USHBP1: variants seen among roughly 807,000 people sequenced by gnomAD.
USHBP1 encodes the protein harmonin-binding protein USHBP1.
Under a neutral mutation model 76.2 loss-of-function variants are expected in USHBP1, and 67 were observed. The observed-to-expected ratio is 0.88, with a 90% confidence interval of 0.72 to 1.08. USHBP1 has a LOEUF of 1.08. Ranked by LOEUF, USHBP1 falls within the 50% of genes least tolerant of loss-of-function variation. The probability of loss-of-function intolerance (pLI) is 0.00; values close to 1 mark genes in which losing one functional copy is unlikely to be tolerated. For synonymous variants in USHBP1, 322 were observed against 362.2 expected (o/e 0.89, Z 1.26); for missense variants, 931 against 915.0 (o/e 1.02, Z -0.23).
intron 3 of USHBP1, 122 bp downstream of exon 3, chr19:17,263,880 T>C: frequency 2.3e-6 from 3 of 1,319,880 alleles, no homozygotes; most frequent in Middle Eastern, 1.9e-4. Context: ...AAAAAGAAAG[T>C]CAGGCTGAAG....
At chr19:17,257,187 A>ATT (rs1172967071) in intron 8 of USHBP1, among the ~76,000 whole-genome samples, 59 of 131,456 alleles carry the variant, frequency 4.5e-4, no homozygotes, top group East Asian at 1.1e-3. Flanking sequence ...CGCCCGGCTA[A>ATT]TTTTTTTTTT....
In USHBP1 at chr19:17,249,222, C is replaced by G. The variant is rs999429504; in HGVS notation, c.*1003G>C. 6.6e-6 allele frequency: 1 copy of G among 152,102 alleles called. No homozygotes were observed. The highest frequency in any genetic ancestry group is 2.4e-5 in the African/African-American group (1 of 41,402). The allele number at this position is 152,102 out of a possible 1,614,324, so 9.4% of individuals were successfully genotyped here. A position where few individuals can be genotyped will look rare whatever the true frequency, so the allele number is the denominator to read the frequency against. ...ATTTATTTAGAGACAGAGTTTTGCT[C>G]TTATTGCCCGGGCACGATCTTGTTG... On this transcript the variant is annotated 3_prime_UTR_variant, in exon 13 of 13. Coordinates refer to ENST00000252597, the MANE Select transcript of USHBP1 (RefSeq NM_031941.4).
At position 17,249,495 on chromosome 19, in the gene USHBP1, G is replaced by GTT. The variant is rs796783318; in HGVS notation, c.*728_*729dup. On this transcript the variant is annotated 3_prime_UTR_variant, in exon 13 of 13. Coordinates refer to ENST00000252597, the MANE Select transcript of USHBP1 (RefSeq NM_031941.4). ...AGGCATGAGTCACCACGCCTGGCCT[G>GTT]TTTTTTTTTTTGAGACAAGGTCTTA... is the stretch of plus-strand genomic sequence containing the variant. The GTT allele has an allele frequency of 6.5e-5, 9 of 139,076 alleles. No homozygotes were observed. Among genetic ancestry groups the GTT allele is most frequent in the African/African-American group, 1.2e-4 (4 of 34,044 alleles). The allele number at this position is 139,076 out of a possible 1,614,324, so 8.6% of individuals were successfully genotyped here.
intron 9 of USHBP1, among the ~76,000 whole-genome samples, chr19:17,255,993 A>G (rs1028508261): frequency 1.6e-4 from 19 of 118,864 alleles, no homozygotes; most frequent in African/African-American, 5.9e-4. Context: ...TGAGAGCAAG[A>G]CTCCGTCTCA....
chr19:17,261,637 A>AT (rs1472192862), intron 4 of USHBP1, among the ~76,000 whole-genome samples: 107 of 96,270 alleles, frequency 1.1e-3, no homozygotes, highest in African/African-American at 4.7e-3. Context: ...CAGCATTATT[A>AT]TTATTTTTTT....
chr19:17,263,904 A>C, intron 3 of USHBP1, 98 bp downstream of exon 3: 1 of 1,394,596 alleles, frequency 7.2e-7, no homozygotes, highest in Non-Finnish European at 9.4e-7. Flanking sequence ...ATAGGGAGCT[A>C]TGGTAGGTGT....
rs2073524806 is a variant in USHBP1, at chr19:17,249,410, C to A, written c.*815G>T. ...GTTTCACCATGTTGGCCAAGCTGGT[C>A]TCAAGCTCCTGACCTCAGGTGATCC... On this transcript the variant is annotated 3_prime_UTR_variant, in exon 13 of 13. Coordinates refer to ENST00000252597, the MANE Select transcript of USHBP1 (RefSeq NM_031941.4). 1 of 152,022 alleles carries A rather than the reference C, an allele frequency of 6.6e-6. No homozygotes were observed. The allele number at this position is 152,022 out of a possible 1,614,324, so 9.4% of individuals were successfully genotyped here.
chr19:17,250,525 G>A, intron 12 of USHBP1, 111 bp from the exon 13 acceptor site: 1 of 1,243,958 alleles, frequency 8.0e-7, no homozygotes, highest in South Asian at 1.3e-5. Context: ...GTCTCCAAGG[G>A]TCCCAGCTAG....
At position 17,261,158 on chromosome 19, in the gene USHBP1, C is replaced by A. The variant is rs185682148; in HGVS notation, c.643-1136G>T. 5.8e-4 allele frequency among the ~76,000 whole-genome samples: 88 copies of A among 152,190 alleles called. No homozygotes were observed. The East Asian group carries it at 0.012, about 21-fold the overall frequency. On this transcript the variant is annotated intron_variant, in intron 4 of 12. Coordinates refer to ENST00000252597, the MANE Select transcript of USHBP1 (RefSeq NM_031941.4). ...TCTCCTTGCAGCCCACGAGGCCCTA[C>A]GCGATCTGCATTTGTTCTCCCTCTG...
At chr19:17,253,873 G>A (rs1450824940) in intron 10 of USHBP1, among the ~76,000 whole-genome samples, 2 of 132,960 alleles carry the variant, frequency 1.5e-5, no homozygotes, top group Non-Finnish European at 3.2e-5. Context: ...CAGCCTGGGT[G>A]ACAGAGCAAG....
chr19:17,258,398 G>A lies in USHBP1; in HGVS notation c.1047-13C>T. 1.9e-6 allele frequency: 3 copies of A among 1,609,852 alleles called. 1 individual carries two copies. In the South Asian group the frequency reaches 3.3e-5, roughly 18 times the overall value. On this transcript the variant is annotated splice_polypyrimidine_tract_variant and intron_variant, in intron 7 of 12. Coordinates refer to ENST00000252597, the MANE Select transcript of USHBP1 (RefSeq NM_031941.4). ...TTCACAGTGTTCACTGTGGGACACT[G>A]GTTCTGAGTGCTTCAGGACACTCAG...
chr19:17,259,207 G>C, intron 7 of USHBP1, 82 bp downstream of exon 7: 2 of 1,513,652 alleles, frequency 1.3e-6, no homozygotes, highest in Non-Finnish European at 8.8e-7. Context: ...GTGCTCTCCA[G>C]TGAGGGTTCT....
intron 4 of USHBP1, among the ~76,000 whole-genome samples, chr19:17,262,064 G>T (rs532986508): frequency 7.0e-6 from 1 of 143,558 alleles, no homozygotes; most frequent in Admixed American, 7.3e-5. Context: ...GCATTGGCAC[G>T]ATCTCAGCTG....
chr19:17,257,282 C>T (rs1488770794), intron 8 of USHBP1, among the ~76,000 whole-genome samples: 2 of 147,360 alleles, frequency 1.4e-5, no homozygotes, highest in South Asian at 2.2e-4. Context: ...CTGCCCACCT[C>T]GGCCTCCCAA....
rs3745168 is a variant in USHBP1, at chr19:17,250,069, A to G, written c.*156T>C. 351,559 of 776,684 alleles carry G rather than the reference A, an allele frequency of 0.45. 84,282 individuals are homozygous for G. The highest frequency in any genetic ancestry group is 0.79 in the East Asian group (28,142 of 35,412). 48.1% of individuals were successfully genotyped at this position (776,684 alleles called of 1,614,324 possible). Reference sequence around the variant, plus strand: ...GAGTCTTTCTTCATTGCCTGGCCACACCCCATCAGGCCCTGGACACCCATG... The same window carrying G: ...GAGTCTTTCTTCATTGCCTGGCCACGCCCCATCAGGCCCTGGACACCCATG... On this transcript the variant is annotated 3_prime_UTR_variant, in exon 13 of 13. Transcript: ENST00000252597.
chr19:17,258,460 GC>G (rs1275876714), intron 7 of USHBP1, 75 bp from the exon 8 acceptor site: 1 of 1,526,836 alleles, frequency 6.5e-7, no homozygotes, highest in Non-Finnish European at 8.8e-7. Flanking sequence ...TGTAGTCCCA[GC>G]ACTTTGGGAG....
intron 10 of USHBP1, among the ~76,000 whole-genome samples, chr19:17,254,104 G>C (rs532763049): frequency 2.0e-5 from 3 of 152,086 alleles, no homozygotes; most frequent in Non-Finnish European, 4.4e-5. Flanking sequence ...AGCACTTTGG[G>C]AGGCTGAGGC....
In USHBP1 at chr19:17,259,364, C is replaced by A. The variant is rs766379332; in HGVS notation, c.971G>T (p.Arg324Leu). Residue 324 changes from arginine to leucine, a missense_variant, in exon 7 of 13, where the codon CGC becomes CTC. Transcript: ENST00000252597. ...TAGCTGCATGCTGAGGCCTTCACAG[C>A]GGCCCTTGTATCCCTGTAGCACAGC... ...LSAVLQGYKG[R>L]CEGLSMQLGQ... The A allele has an allele frequency of 8.1e-6, 13 of 1,613,994 alleles. No homozygotes were observed. The East Asian group carries it at 2.0e-4, about 25-fold the overall frequency.
At chr19:17,251,515 G>A in intron 12 of USHBP1, 67 bp downstream of exon 12, 1 of 1,597,728 alleles carries the variant, frequency 6.3e-7, no homozygotes, top group Non-Finnish European at 8.5e-7. Flanking sequence ...GAGACAGCCA[G>A]GGATACTTCT....
Sources: allele counts gnomAD v4.1 joint callset (sites outside exome capture counted in the v4.1 genomes callset), GRCh38; gene constraint gnomAD v4.1.1; transcripts MANE v1.5; gene names NCBI Gene and HGNC (gene_info 2026-07-23, HGNC 2026-07-21).